RGPD2: variants seen among roughly 807,000 people sequenced by gnomAD.
RGPD2 encodes RANBP2-like and GRIP domain-containing protein 2.
A neutral mutation model predicts 36.0 loss-of-function variants in RGPD2; 2 were observed. The ratio of observed to expected loss-of-function variants is 0.06; its 90% confidence interval spans 0.02 to 0.17. The LOEUF (loss-of-function observed/expected upper bound fraction) is 0.17. RGPD2 is among the 10% of genes least tolerant of loss of function. The pLI, the probability that RGPD2 is intolerant of heterozygous loss-of-function variation, is 1.00. For missense variants in RGPD2, 40 were observed against 464.3 expected (o/e 0.09, Z 8.40); for synonymous variants, 19 against 163.8 (o/e 0.12, Z 6.75).
chr2:87,930,687 C>G, the RGPD2 span, among the ~76,000 whole-genome samples: 1 of 150,914 alleles, frequency 6.6e-6, no homozygotes, highest in Admixed American at 6.6e-5. Flanking sequence ...TTCAATTCCT[C>G]TGATCCTGGG....
rs1024854297 is a variant in RGPD2 at position 87,772,925 on chromosome 2, T to A, written c.5041-561A>T. 2.2e-5 allele frequency among the ~76,000 whole-genome samples: 3 copies of A among 136,948 alleles called. No homozygotes were observed. In the Admixed American group the frequency reaches 2.2e-4, roughly 10 times the overall value. The allele number at this position is 136,948 out of a possible 152,430, so 89.8% of individuals were successfully genotyped here. ...ATGGAGTTGAAAGCTGGGGAACTGA[T>A]GGAACGTCTCCATGAGGAGCAACTA... On this transcript the variant is annotated intron_variant, in intron 21 of 22. Transcript: ENST00000398146.
At chr2:87,980,240 A>C in the RGPD2 span, among the ~76,000 whole-genome samples, 2 of 141,702 alleles carry the variant, frequency 1.4e-5, no homozygotes, top group Non-Finnish European at 3.1e-5. Flanking sequence ...AATCCCAGCT[A>C]TTCAGGAGGC....
At chr2:87,884,980 T>C in the RGPD2 span, among the ~76,000 whole-genome samples, 1 of 152,260 alleles carries the variant, frequency 6.6e-6, no homozygotes, top group East Asian at 1.9e-4. Context: ...TACAGTACAC[T>C]ACAAGAAAAG....
the RGPD2 span, among the ~76,000 whole-genome samples, chr2:87,875,355 C>G: frequency 2.0e-5 from 3 of 152,204 alleles, no homozygotes; most frequent in African/African-American, 7.2e-5. Context: ...ATATGTGAAT[C>G]TTACTATTTT....
At chr2:87,844,504 A>G in the RGPD2 span, among the ~76,000 whole-genome samples, 1 of 148,550 alleles carries the variant, frequency 6.7e-6, no homozygotes, top group East Asian at 2.0e-4. Flanking sequence ...TATATATTTC[A>G]GTGATGATTC....
At chr2:87,805,565 T>TTTA in intron 7 of RGPD2, among the ~76,000 whole-genome samples, 1 of 146,952 alleles carries the variant, frequency 6.8e-6, no homozygotes, top group Admixed American at 7.1e-5. Flanking sequence ...TGCAAGCTCA[T>TTTA]TAAAAAAAAA....
the RGPD2 span, among the ~76,000 whole-genome samples, chr2:87,962,715 A>G: frequency 0.034 from 5,157 of 152,120 alleles, 305 homozygotes; most frequent in African/African-American, 0.12. Flanking sequence ...GCTACTCCAA[A>G]GGCAGAGGGG....
chr2:87,870,547 T>C, the RGPD2 span, among the ~76,000 whole-genome samples: 2 of 152,198 alleles, frequency 1.3e-5, no homozygotes, highest in Non-Finnish European at 2.9e-5. Context: ...TGCTTCTATC[T>C]TTTTCCATGT....
chr2:87,878,764 C>T, the RGPD2 span, among the ~76,000 whole-genome samples: 1 of 152,204 alleles, frequency 6.6e-6, no homozygotes, highest in Non-Finnish European at 1.5e-5. Context: ...CCTCTGGTAA[C>T]CACCATTCTA....
At chr2:87,943,275 G>GT in the RGPD2 span, among the ~76,000 whole-genome samples, 6 of 124,048 alleles carry the variant, frequency 4.8e-5, no homozygotes, top group African/African-American at 1.8e-4. Flanking sequence ...TGGTTTTTTT[G>GT]TCTTTTTGAT....
At chr2:87,809,407 G>A (rs978873609) in intron 6 of RGPD2, among the ~76,000 whole-genome samples, 7 of 146,422 alleles carry the variant, frequency 4.8e-5, no homozygotes, top group Non-Finnish European at 1.1e-4. Flanking sequence ...GGTGGCTCAC[G>A]CCTGTAATCC....
the RGPD2 span, among the ~76,000 whole-genome samples, chr2:87,963,801 T>C: frequency 8.0e-6 from 1 of 125,708 alleles, no homozygotes; most frequent in Admixed American, 8.1e-5. Flanking sequence ...TGAAAAGGAG[T>C]GCCCAAAGAG....
intron 10 of RGPD2, 29 bp from the exon 11 acceptor site, chr2:87,795,612 GA>G (rs1192432423): frequency 5.8e-5 from 11 of 189,116 alleles, no homozygotes; most frequent in Non-Finnish European, 6.7e-5. Context: ...AGTTAAGTTA[GA>G]AAAAAAAATT....
the RGPD2 span, among the ~76,000 whole-genome samples, chr2:87,919,337 A>C: frequency 6.6e-6 from 1 of 150,700 alleles, no homozygotes; most frequent in Non-Finnish European, 1.5e-5. Context: ...TATTGTAATA[A>C]TATGAAATAA....
the RGPD2 span, among the ~76,000 whole-genome samples, chr2:87,831,004 T>C: frequency 6.6e-6 from 1 of 152,206 alleles, no homozygotes; most frequent in Non-Finnish European, 1.5e-5. Flanking sequence ...ACACAGGCTT[T>C]AAAATTAAAG....
At chr2:87,927,173 C>A in the RGPD2 span, among the ~76,000 whole-genome samples, 1 of 130,174 alleles carries the variant, frequency 7.7e-6, no homozygotes, top group South Asian at 2.3e-4. Flanking sequence ...ATAAGAAATT[C>A]ATAAGTCCTC....
the RGPD2 span, among the ~76,000 whole-genome samples, chr2:87,855,013 CGT>C: frequency 1.3e-5 from 2 of 150,516 alleles, no homozygotes; most frequent in East Asian, 1.9e-4. Flanking sequence ...TGTGTGTGTG[CGT>C]GTGTGTGTGT....
At chr2:87,773,237 AG>A (rs1189200902) in intron 21 of RGPD2, among the ~76,000 whole-genome samples, 2 of 124,778 alleles carry the variant, frequency 1.6e-5, no homozygotes, top group Non-Finnish European at 3.4e-5. Flanking sequence ...ATCATGTTCA[AG>A]TCTTTGAGGA....
At chr2:87,945,279 CATAT>C in the RGPD2 span, among the ~76,000 whole-genome samples, 1 of 152,048 alleles carries the variant, frequency 6.6e-6, no homozygotes, top group Non-Finnish European at 1.5e-5. Context: ...ATTAAATCTA[CATAT>C]ATCAACATCG....
Sources: gnomAD v4.1 joint callset for allele counts (sites outside exome capture counted in the v4.1 genomes callset) on GRCh38, gnomAD v4.1.1 for gene constraint, MANE v1.5 for transcripts, NCBI Gene and HGNC (gene_info 2026-07-23, HGNC 2026-07-21) for gene names.